The following COG5 variants were observed in gnomAD, a reference collection of about 807,000 sequenced individuals.
COG5 encodes component of oligomeric golgi complex 5, also known as conserved oligomeric Golgi complex subunit 5.
In COG5, 86 loss-of-function variants were observed where a neutral mutation model predicts 110.4. That is an observed-to-expected ratio of 0.78 (90% CI 0.65 to 0.93). The LOEUF (loss-of-function observed/expected upper bound fraction) is 0.93, where lower values mean the gene tolerates loss of function less well. Ranked by LOEUF, COG5 falls within the 40% of genes least tolerant of loss-of-function variation. COG5 has a pLI of 0.00. For synonymous variants in COG5, 360 were observed against 334.6 expected (o/e 1.08, Z -0.83); for missense variants, 1,077 against 987.0 (o/e 1.09, Z -1.22).
chr7:107,378,138 G>A (rs548017855), intron 7 of COG5, among the ~76,000 whole-genome samples: 10 of 152,176 alleles, frequency 6.6e-5, no homozygotes, highest in Non-Finnish European at 1.5e-4. Context: ...AGGGTCTGGA[G>A]CGGACCTCCA....
intron 6 of COG5, among the ~76,000 whole-genome samples, chr7:107,467,839 A>G (rs529386752): frequency 7.2e-5 from 11 of 152,220 alleles, no homozygotes; most frequent in Non-Finnish European, 1.6e-4. Flanking sequence ...CACAATAAAA[A>G]AAGTTTGTGA....
At position 107,405,181 on chromosome 7, in the gene COG5, C is replaced by T. The variant is rs1387581117; in HGVS notation, c.669+7321G>A. Reference sequence around the variant, plus strand: ...TCTTCAGTTAATTTCCTAACCTTTCCATCTCTTTGTTTCCTTAACCATACA... The same window carrying T: ...TCTTCAGTTAATTTCCTAACCTTTCTATCTCTTTGTTTCCTTAACCATACA... On this transcript the variant is annotated intron_variant, in intron 7 of 21. Coordinates refer to ENST00000297135, the MANE Select transcript of COG5 (RefSeq NM_006348.5). Among the ~76,000 whole-genome samples, 3 of 152,112 alleles carry T rather than the reference C, an allele frequency of 2.0e-5. No homozygotes were observed. The East Asian group carries it at 5.8e-4, about 29-fold the overall frequency.
intron 5 of COG5, among the ~76,000 whole-genome samples, chr7:107,541,392 G>A (rs1209294594): frequency 6.7e-6 from 1 of 148,154 alleles, no homozygotes; most frequent in East Asian, 2.0e-4. Flanking sequence ...AGCTACTCAG[G>A]AGGCTGAGAT....
intron 6 of COG5, among the ~76,000 whole-genome samples, chr7:107,520,228 A>T (rs182967403): frequency 3.3e-5 from 5 of 152,322 alleles, no homozygotes; most frequent in Admixed American, 2.6e-4. Flanking sequence ...CCCTTTGAAA[A>T]CAGGCACAAG....
At chr7:107,471,466 A>G (rs1267739250) in intron 6 of COG5, 3 of 152,070 alleles carry the variant, frequency 2.0e-5, no homozygotes, top group African/African-American at 7.2e-5. Context: ...GAACTGCAAG[A>G]TGTTCTTGTA....
intron 6 of COG5, among the ~76,000 whole-genome samples, chr7:107,504,997 AAG>A (rs747645084): frequency 1.3e-4 from 20 of 152,060 alleles, no homozygotes; most frequent in Non-Finnish European, 2.5e-4. Context: ...CTTGGTTATT[AAG>A]AGTCTTTGTA....
At chr7:107,345,398 AAAAT>A (rs1475588185) in intron 10 of COG5, among the ~76,000 whole-genome samples, 7 of 152,230 alleles carry the variant, frequency 4.6e-5, no homozygotes, top group Admixed American at 1.3e-4. Context: ...AAATTTGTAA[AAAAT>A]AAATAAATAA....
intron 12 of COG5, among the ~76,000 whole-genome samples, chr7:107,297,033 A>G (rs946227667): frequency 6.6e-6 from 1 of 152,194 alleles, no homozygotes; most frequent in African/African-American, 2.4e-5. Context: ...AAACTTGCTG[A>G]GATGGTATAC....
intron 5 of COG5, among the ~76,000 whole-genome samples, chr7:107,530,911 T>C (rs1321441631): frequency 6.6e-6 from 1 of 152,070 alleles, no homozygotes; most frequent in South Asian, 2.1e-4. Flanking sequence ...TAAAGGAACT[T>C]AGAAGCAACA....
At chr7:107,490,577 T>C (rs1797920342) in intron 6 of COG5, among the ~76,000 whole-genome samples, 1 of 152,138 alleles carries the variant, frequency 6.6e-6, no homozygotes, top group South Asian at 2.1e-4. Flanking sequence ...AAATTTGTTG[T>C]TTAGTTATAT....
chr7:107,527,178 T>G, intron 6 of COG5, 59 bp downstream of exon 6: 6 of 1,446,558 alleles, frequency 4.1e-6, no homozygotes, highest in Non-Finnish European at 5.6e-6. Context: ...ACCAATCAAG[T>G]GACTTAAAAA....
At chr7:107,383,001 A>AAAATCCTGC (rs1815258067) in intron 7 of COG5, among the ~76,000 whole-genome samples, 1 of 152,188 alleles carries the variant, frequency 6.6e-6, no homozygotes, top group Non-Finnish European at 1.5e-5. Flanking sequence ...TTTCTGAGCT[A>AAAATCCTGC]AAATCCTGCA....
At position 107,393,312 on chromosome 7, in the gene COG5, C is replaced by T. The variant is rs78970447; in HGVS notation, c.669+19190G>A. Reference sequence around the variant, plus strand: ...AACTCCCTCTTTACAAAACCACTCCCATTCTTGGTACTCTGTGCCCCTAGG... The same window carrying T: ...AACTCCCTCTTTACAAAACCACTCCTATTCTTGGTACTCTGTGCCCCTAGG... On this transcript the variant is annotated intron_variant, in intron 7 of 21. Transcript: ENST00000297135. Among the ~76,000 whole-genome samples, 418 of 152,304 alleles carry T rather than the reference C, an allele frequency of 2.7e-3. 11 individuals are homozygous for T. The East Asian group carries it at 0.064, about 23-fold the overall frequency.
chr7:107,341,379 CACAA>C (rs1255425456), intron 10 of COG5, among the ~76,000 whole-genome samples: 1 of 152,008 alleles, frequency 6.6e-6, no homozygotes, highest in Non-Finnish European at 1.5e-5. Context: ...TCATAGATGA[CACAA>C]ACAAATGGAA....
chr7:107,558,209 T>C (rs1467913439), intron 1 of COG5, 94 bp from the exon 2 acceptor site: 1 of 1,321,034 alleles, frequency 7.6e-7, no homozygotes, highest in African/African-American at 1.4e-5. Flanking sequence ...ATTAACATAT[T>C]TTGATCCCAT....
chr7:107,333,434 A>G (rs1326711428), intron 10 of COG5, among the ~76,000 whole-genome samples: 1 of 152,146 alleles, frequency 6.6e-6, no homozygotes, highest in Non-Finnish European at 1.5e-5. Context: ...AGAGCAAAAT[A>G]AGAAACCCAA....
At chr7:107,413,166 G>A (rs1432471790) in intron 6 of COG5, among the ~76,000 whole-genome samples, 1 of 150,938 alleles carries the variant, frequency 6.6e-6, no homozygotes, top group Non-Finnish European at 1.5e-5. Flanking sequence ...ACCAGTACCT[G>A]GCATCACATC....
chr7:107,551,285 A>C (rs1006518215), intron 3 of COG5, among the ~76,000 whole-genome samples: 25 of 152,200 alleles, frequency 1.6e-4, no homozygotes, highest in Non-Finnish European at 3.4e-4. Context: ...TGACAAAAAG[A>C]AGCTTAATAA....
chr7:107,292,387 G>A (rs1017867913), intron 12 of COG5, among the ~76,000 whole-genome samples: 21 of 152,170 alleles, frequency 1.4e-4, no homozygotes, highest in African/African-American at 5.1e-4. Flanking sequence ...CTGGACCTGA[G>A]GGTGGAGAAA....
Sources: allele counts gnomAD v4.1 joint callset (sites outside exome capture counted in the v4.1 genomes callset), GRCh38; gene constraint gnomAD v4.1.1; transcripts MANE v1.5; gene names NCBI Gene and HGNC (gene_info 2026-07-23, HGNC 2026-07-21).